ENTREP1: variants seen among roughly 807,000 people sequenced by gnomAD.
ENTREP1 encodes endosomal transmembrane epsin interactor 1, also known as Friedreich ataxia region gene X123.
At chr9:69,381,677 C>T in the ENTREP1 span, 1 of 151,934 alleles carries the variant, frequency 6.6e-6, no homozygotes, top group East Asian at 1.9e-4. Context: ...AACAAAAAAC[C>T]AACCTGCCAG....
the ENTREP1 span, among the ~76,000 whole-genome samples, chr9:69,339,630 C>T: frequency 3.9e-5 from 6 of 152,254 alleles, no homozygotes; most frequent in Non-Finnish European, 7.4e-5. Context: ...AGTGGGAGGC[C>T]ATGCTCCATT....
the ENTREP1 span, among the ~76,000 whole-genome samples, chr9:69,347,425 A>T: frequency 6.6e-6 from 1 of 152,064 alleles, no homozygotes; most frequent in Non-Finnish European, 1.5e-5. Flanking sequence ...CTTCTATCAA[A>T]CCCAACTGTG....
the ENTREP1 span, among the ~76,000 whole-genome samples, chr9:69,364,829 G>A: frequency 3.3e-5 from 5 of 152,170 alleles, no homozygotes; most frequent in African/African-American, 1.2e-4. Context: ...TGGCGATTTT[G>A]TATACAGTCT....
chr9:69,342,203 A>G, the ENTREP1 span, among the ~76,000 whole-genome samples: 1 of 152,046 alleles, frequency 6.6e-6, no homozygotes, highest in Non-Finnish European at 1.5e-5. Flanking sequence ...AGAATTTTCC[A>G]GGTTCTTTCA....
the ENTREP1 span, among the ~76,000 whole-genome samples, chr9:69,347,489 G>T: frequency 6.6e-6 from 1 of 152,244 alleles, no homozygotes; most frequent in Non-Finnish European, 1.5e-5. Context: ...GCAGATTGAG[G>T]CCATTCCCTT....
chr9:69,344,816 G>A, the ENTREP1 span, among the ~76,000 whole-genome samples: 9 of 152,258 alleles, frequency 5.9e-5, no homozygotes, highest in South Asian at 1.7e-3. Context: ...GCATGACCTT[G>A]CTAGAAGTGC....
the ENTREP1 span, chr9:69,324,883 C>A: frequency 1.0e-6 from 1 of 985,314 alleles, no homozygotes; most frequent in Non-Finnish European, 1.2e-6. Flanking sequence ...CTGAGACTCT[C>A]GGTGGCCGGC....
At chr9:69,376,044 G>A in the ENTREP1 span, among the ~76,000 whole-genome samples, 1 of 152,156 alleles carries the variant, frequency 6.6e-6, no homozygotes, top group African/African-American at 2.4e-5. Context: ...TATTGTGTGT[G>A]TTAAATTATG....
At chr9:69,360,242 A>T in the ENTREP1 span, among the ~76,000 whole-genome samples, 1 of 152,192 alleles carries the variant, frequency 6.6e-6, no homozygotes, top group East Asian at 1.9e-4. Flanking sequence ...CTGAAGAAGA[A>T]ATTTTCAGTT....
the ENTREP1 span, chr9:69,383,153 T>C: frequency 1.0e-6 from 1 of 980,728 alleles, no homozygotes; most frequent in South Asian, 4.7e-5. Flanking sequence ...AGTCCTTAGC[T>C]GTTTTTTAAA....
the ENTREP1 span, among the ~76,000 whole-genome samples, chr9:69,355,216 A>C: frequency 2.0e-5 from 3 of 152,220 alleles, no homozygotes; most frequent in Non-Finnish European, 2.9e-5. Flanking sequence ...ACTACCTATT[A>C]AGCCCTCCCA....
chr9:69,355,706 G>A, the ENTREP1 span, among the ~76,000 whole-genome samples: 1 of 152,192 alleles, frequency 6.6e-6, no homozygotes, highest in Non-Finnish European at 1.5e-5. Flanking sequence ...GCAGTTAGAT[G>A]GCAGCCAGGT....
At chr9:69,366,309 C>T in the ENTREP1 span, among the ~76,000 whole-genome samples, 1 of 150,360 alleles carries the variant, frequency 6.7e-6, no homozygotes, top group East Asian at 1.9e-4. Flanking sequence ...ACCCTGTTAA[C>T]CATTTGTATA....
chr9:69,341,242 A>T, the ENTREP1 span, among the ~76,000 whole-genome samples: 1 of 152,194 alleles, frequency 6.6e-6, no homozygotes, highest in Non-Finnish European at 1.5e-5. Flanking sequence ...ATAAAGGGAC[A>T]GCTCCATATT....
chr9:69,388,324 C>A, the ENTREP1 span: 46 of 1,614,042 alleles, frequency 2.8e-5, no homozygotes, highest in Non-Finnish European at 3.7e-5. Context: ...TGGCGAGGTT[C>A]CTGGAGCAGT....
chr9:69,345,153 G>C, the ENTREP1 span, among the ~76,000 whole-genome samples: 1 of 152,172 alleles, frequency 6.6e-6, no homozygotes, highest in Non-Finnish European at 1.5e-5. Context: ...GCATTGGTGG[G>C]AAGTGTCAGG....
chr9:69,371,399 T>C, the ENTREP1 span: 714,209 of 886,708 alleles, frequency 0.81, 288,308 homozygotes, highest in South Asian at 0.86. Context: ...TTTAAAAAAA[T>C]GTTCTCTTGG....
At chr9:69,337,449 T>G in the ENTREP1 span, among the ~76,000 whole-genome samples, 1 of 152,338 alleles carries the variant, frequency 6.6e-6, no homozygotes, top group East Asian at 1.9e-4. Flanking sequence ...AAATATTATA[T>G]TCTCTTGGAA....
chr9:69,391,912 C>T, the ENTREP1 span: 1 of 1,081,104 alleles, frequency 9.2e-7, no homozygotes, highest in Non-Finnish European at 1.3e-6. Context: ...CTCTGGAGGA[C>T]ACGTTTTCCC....
Sources: allele counts gnomAD v4.1 joint callset (sites outside exome capture counted in the v4.1 genomes callset), GRCh38; gene constraint gnomAD v4.1.1; transcripts MANE v1.5; gene names NCBI Gene and HGNC (gene_info 2026-07-23, HGNC 2026-07-21).